Variants in NLRP8 observed in about 807,000 individuals in gnomAD.
NLRP8 encodes the protein NLR family pyrin domain containing 8.
NLRP8 carries 86 observed loss-of-function variants against 88.7 expected under a neutral mutation model. That is an observed-to-expected ratio of 0.97 (90% confidence interval 0.81 to 1.16). NLRP8 has a LOEUF of 1.16. NLRP8 is among the 50% of genes most tolerant of loss of function. The pLI is 0.00. For synonymous variants in NLRP8, 504 were observed against 494.6 expected, an observed-to-expected ratio of 1.02 and a Z score of -0.25; for missense variants, 1,342 against 1,286.5, an observed-to-expected ratio of 1.04 and a Z score of -0.66.
chr19:55,964,412 C>T (rs1453275983), intron 4 of NLRP8, among the ~76,000 whole-genome samples: 1 of 152,156 alleles, frequency 6.6e-6, no homozygotes, highest in Non-Finnish European at 1.5e-5. Context: ...GTTCTGAATT[C>T]CATGTTGCAC....
rs1401321164 is a variant in NLRP8 at position 55,988,411 on chromosome 19, TAC to T, written c.*500_*501del. The stretch of plus-strand genomic sequence containing the variant: ...CTCTGTCTCAAGAAGAAAAAAAAAA[TAC>T]ATATACACATAAATATATATATGTG... On this transcript the variant is annotated 3_prime_UTR_variant, in exon 10 of 10. Coordinates refer to ENST00000291971, the MANE Select transcript of NLRP8 (RefSeq NM_176811.2). 1.5e-5 allele frequency: 2 copies of T among 133,180 alleles called. No individual in the cohort carries two copies. The highest frequency in any genetic ancestry group is 2.9e-5 in the African/African-American group (1 of 34,662). 8.2% of individuals were successfully genotyped at this position (133,180 alleles called of 1,614,324 possible).
chr19:55,955,302 A>T lies in NLRP8; in HGVS notation c.1244A>T (p.Asn415Ile), dbSNP rs1436935283. 6.2e-7 allele frequency: 1 copy of T among 1,614,032 alleles called. No individual in the cohort carries two copies. The highest frequency in any genetic ancestry group is 1.3e-5 in the African/African-American group (1 of 74,922). The change falls in exon 3 of 10, where the codon AAT becomes ATT. Residue 415 changes from asparagine to isoleucine, a missense_variant. By Grantham distance (149) the Asn-to-Ile change is moderately radical (BLOSUM62 -3). Transcript: ENST00000291971. ...AAACAGCAAATGGAGAGAGGAAACAATCTCACACAGTCATGTCCAAATGCC... is the reference window on the plus strand; with the variant it reads ...AAACAGCAAATGGAGAGAGGAAACATTCTCACACAGTCATGTCCAAATGCC...
intron 1 of NLRP8, among the ~76,000 whole-genome samples, chr19:55,949,424 A>C (rs1600294173): frequency 6.6e-6 from 1 of 151,554 alleles, no homozygotes; most frequent in South Asian, 2.1e-4. Context: ...TTTTAGTAGA[A>C]ACGGGGTTTC....
chr19:55,957,031 A>G (rs1010826326), intron 3 of NLRP8, among the ~76,000 whole-genome samples: 5 of 151,890 alleles, frequency 3.3e-5, no homozygotes, highest in African/African-American at 1.2e-4. Context: ...GGCCTCAAGC[A>G]ATCTTCCCAC....
At position 55,962,190 on chromosome 19, in the gene NLRP8, T is replaced by G. The variant is rs1244021282; in HGVS notation, c.2166T>G (p.Ala722=). 1 of 1,614,156 alleles carries G rather than the reference T, an allele frequency of 6.2e-7. No homozygotes were observed. Among genetic ancestry groups the G allele is most frequent in the South Asian group, 1.1e-5 (1 of 91,078 alleles). ...TTTTGGGGCCTCCTTTTTTGAAGGC[T>G]CTCGCGGCCGCACTGAGGCACCCTC... The change falls in exon 4 of 10, where the codon GCT becomes GCG. Residue 722 remains alanine (A), a synonymous_variant. Transcript: ENST00000291971.
chr19:55,975,676 G>A (rs1447763457), intron 7 of NLRP8, among the ~76,000 whole-genome samples: 2 of 151,838 alleles, frequency 1.3e-5, no homozygotes, highest in Admixed American at 6.6e-5. Flanking sequence ...GAAGCTAAAC[G>A]CAAAAAGTCA....
rs764375811 is a variant in NLRP8 at position 55,954,810 on chromosome 19, C to T, written c.752C>T (p.Thr251Met). 1.9e-5 allele frequency: 31 copies of T among 1,614,064 alleles called. No individual in the cohort carries two copies. The highest frequency in any genetic ancestry group is 1.6e-4 in the South Asian group (15 of 91,088). ...TTCCATTGCCAAGAGGTGAACCAGA[C>T]GACAGACCAGAGCTTCTCCGAGCTG... The change falls in exon 3 of 10, where the codon ACG (threonine) becomes ATG (methionine). Residue 251 changes from threonine to methionine, a missense_variant. By Grantham distance (81) the Thr-to-Met change is moderately conservative. Transcript: ENST00000291971.
In NLRP8 at chr19:55,947,887, T is replaced by C. The variant is rs1206585436; in HGVS notation, c.-16T>C. On this transcript the variant is annotated 5_prime_UTR_variant, in exon 1 of 10. Coordinates refer to ENST00000291971, the MANE Select transcript of NLRP8 (RefSeq NM_176811.2). ...CTTTATCGTGGACACTGAGGTGTTC[T>C]CTGCCTTGACTAAAGATGAGTGACG... is the stretch of plus-strand genomic sequence containing the variant. The C allele has an allele frequency of 1.3e-6, 2 of 1,598,380 alleles. No homozygotes were observed. The highest frequency in any genetic ancestry group is 1.1e-5 in the South Asian group (1 of 87,934).
chr19:55,952,405 G>A (rs974284806), intron 1 of NLRP8, 133 bp from the exon 2 acceptor site: 11 of 666,352 alleles, frequency 1.7e-5, no homozygotes, highest in African/African-American at 9.0e-5. Context: ...CTCCCTGAAC[G>A]GAGGTGGTGA....
At chr19:55,952,169 G>A (rs1213036482) in intron 1 of NLRP8, among the ~76,000 whole-genome samples, 8 of 152,248 alleles carry the variant, frequency 5.3e-5, no homozygotes, top group Non-Finnish European at 1.0e-4. Flanking sequence ...ATGAAAGGCC[G>A]ACTGGACGTA....
intron 8 of NLRP8, 112 bp from the exon 9 acceptor site, chr19:55,979,282 A>G: frequency 8.4e-7 from 1 of 1,188,996 alleles, no homozygotes; most frequent in Non-Finnish European, 1.2e-6. Flanking sequence ...TTGGAACAAC[A>G]TTACACATTC....
chr19:55,956,266 CAG>C (rs1215690583), intron 3 of NLRP8, among the ~76,000 whole-genome samples, 166 bp downstream of exon 3: 1 of 152,060 alleles, frequency 6.6e-6, no homozygotes, highest in African/African-American at 2.4e-5. Context: ...TTTTTTGAGA[CAG>C]AGTGTCACTC....
At chr19:55,972,790 GGTGTGTGTGTGTGTGTGTAT>G (rs1388788441) in intron 6 of NLRP8, among the ~76,000 whole-genome samples, 3 of 138,828 alleles carry the variant, frequency 2.2e-5, no homozygotes, top group African/African-American at 8.0e-5. Flanking sequence ...AGTATTCCAT[GGTGTGTGTGTGTGTGTGTAT>G]GTGTGTGTGT....
rs771209307 is a variant in NLRP8, at chr19:55,979,573, C to A, written c.3047+9C>A. 2 of 1,613,834 alleles carry A rather than the reference C, an allele frequency of 1.2e-6. No individual in the cohort carries two copies. Among genetic ancestry groups the A allele is most frequent in the Non-Finnish European group, 1.7e-6 (2 of 1,179,944 alleles). On this transcript the variant is annotated intron_variant, in intron 9 of 9. Transcript: ENST00000291971. The stretch of plus-strand genomic sequence containing the variant: ...AGAGAAGAGGTCATTTTGTAAGTCT[C>A]CACCGGGTTTCCTGTGCAAAACCTA...
Position 55,955,769 on chromosome 19 carries a change from G to A in NLRP8, c.1711G>A (p.Val571Met), listed in dbSNP as rs147105419. ...TCTGAACGAGGCCTGCGCTTCGGCC[G>A]TGGAACAGTCATTCCAATGCAAGGT... The change falls in exon 3 of 10, where the codon GTG becomes ATG. Residue 571 changes from valine to methionine, a missense_variant. By Grantham distance (21) the Val-to-Met change is conservative (BLOSUM62 1). Coordinates refer to ENST00000291971, the MANE Select transcript of NLRP8 (RefSeq NM_176811.2). The A allele has an allele frequency of 3.0e-3, 4,840 of 1,614,144 alleles. 14 individuals carry two copies. Among genetic ancestry groups the A allele is most frequent in the Middle Eastern group, 6.9e-3 (42 of 6,062 alleles).
intron 1 of NLRP8, among the ~76,000 whole-genome samples, chr19:55,949,320 C>T (rs1978989008): frequency 6.6e-6 from 1 of 152,074 alleles, no homozygotes; most frequent in Admixed American, 6.6e-5. Flanking sequence ...TCACTGCAAC[C>T]TCCACCTCCC....
chr19:55,987,706 G>GA (rs1224372724), intron 9 of NLRP8: 8 of 751,356 alleles, frequency 1.1e-5, no homozygotes, highest in African/African-American at 1.7e-5. Context: ...GGTGAGGTGG[G>GA]AGGGGTACGG....
intron 3 of NLRP8, among the ~76,000 whole-genome samples, chr19:55,956,989 C>T (rs1015659204): frequency 5.9e-5 from 9 of 152,086 alleles, no homozygotes; most frequent in African/African-American, 1.9e-4. Flanking sequence ...GATGAGGTTT[C>T]CCTGTGTTAC....
intron 8 of NLRP8, among the ~76,000 whole-genome samples, chr19:55,976,878 A>G (rs1980365074): frequency 1.3e-5 from 2 of 150,220 alleles, no homozygotes; most frequent in African/African-American, 4.9e-5. Context: ...CAGGAGATCG[A>G]GACTATCCTG....
Sources: allele counts gnomAD v4.1 joint callset (sites outside exome capture counted in the v4.1 genomes callset), GRCh38; gene constraint gnomAD v4.1.1; transcripts MANE v1.5; gene names NCBI Gene and HGNC (gene_info 2026-07-23, HGNC 2026-07-21).